The following NOL4L variants were observed in gnomAD, a reference collection of about 807,000 sequenced individuals.
NOL4L encodes the protein nucleolar protein 4-like.
A neutral mutation model predicts 64.5 loss-of-function variants in NOL4L; 7 were observed. The observed-to-expected ratio is 0.11, with a 90% confidence interval of 0.06 to 0.20. The LOEUF (loss-of-function observed/expected upper bound fraction) is 0.20, where lower values mean the gene tolerates loss of function less well. NOL4L is among the 10% of genes least tolerant of loss of function. The probability of loss-of-function intolerance (pLI) is 1.00; values close to 1 mark genes in which losing one functional copy is unlikely to be tolerated. For synonymous variants in NOL4L, 413 were observed against 401.0 expected (o/e 1.03, Z -0.36); for missense variants, 680 against 967.1 (o/e 0.70, Z 3.94).
chr20:32,568,285 G>C (rs1447000555), intron 1 of NOL4L, among the ~76,000 whole-genome samples: 1 of 152,172 alleles, frequency 6.6e-6, no homozygotes, highest in Non-Finnish European at 1.5e-5. Context: ...TGCACCCCAG[G>C]AGGCCCTCTC....
At chr20:32,498,395 C>A in intron 4 of NOL4L, among the ~76,000 whole-genome samples, 1 of 150,146 alleles carries the variant, frequency 6.7e-6, no homozygotes, top group East Asian at 2.0e-4. Flanking sequence ...TGACAATGAG[C>A]TTTTCACGCC....
chr20:32,491,352 A>C (rs957158088), intron 4 of NOL4L, among the ~76,000 whole-genome samples: 1 of 152,240 alleles, frequency 6.6e-6, no homozygotes, highest in Non-Finnish European at 1.5e-5. Flanking sequence ...ATGGGTGTTC[A>C]TGAGGTGGAA....
intron 1 of NOL4L, among the ~76,000 whole-genome samples, chr20:32,541,046 C>CAT (rs2018647007): frequency 6.6e-6 from 1 of 150,604 alleles, no homozygotes; most frequent in Non-Finnish European, 1.5e-5. Context: ...CACACACACA[C>CAT]ACTATTCCCT....
At chr20:32,567,230 G>A (rs1038932243) in intron 1 of NOL4L, among the ~76,000 whole-genome samples, 6 of 152,332 alleles carry the variant, frequency 3.9e-5, no homozygotes, top group Non-Finnish European at 8.8e-5. Flanking sequence ...CAATGTGGGT[G>A]TGTAGAATGT....
chr20:32,475,769 C>A (rs376985370), intron 4 of NOL4L, among the ~76,000 whole-genome samples: 1 of 152,234 alleles, frequency 6.6e-6, no homozygotes, highest in Non-Finnish European at 1.5e-5. Flanking sequence ...CAAGCCTCCC[C>A]TCCGGGGCCC....
At chr20:32,538,669 G>C (rs1482401465) in intron 1 of NOL4L, among the ~76,000 whole-genome samples, 3 of 152,196 alleles carry the variant, frequency 2.0e-5, no homozygotes, top group African/African-American at 7.2e-5. Flanking sequence ...CCAAGGCCAG[G>C]CTGCCTCCAA....
In NOL4L at chr20:32,474,995, G is replaced by A. The variant is rs543532569; in HGVS notation, c.700-253C>T. On this transcript the variant is annotated intron_variant, in intron 4 of 10. Transcript: ENST00000621426. ...TAATTGAAGACAATTATGAGGTCTC[G>A]CATCCTGCAGGGGCGGATGGCAGGG... 197 of 985,118 alleles carry A rather than the reference G, an allele frequency of 2.0e-4. 1 individual carries two copies. The African/African-American group carries it at 3.1e-3, about 15-fold the overall frequency. 61.0% of individuals were successfully genotyped at this position (985,118 alleles called of 1,614,324 possible). A position where few individuals can be genotyped will look rare whatever the true frequency, so the allele number is the denominator to read the frequency against.
rs553993801 is a variant in NOL4L, at chr20:32,473,321, C to T, written c.841+1280G>A. ...AGTTGAGGCGGGAGGTCAGCTGCTGCGCTTGTCCCAGCCCCAGAGCCCCCC... is the reference window on the plus strand; with the variant it reads ...AGTTGAGGCGGGAGGTCAGCTGCTGTGCTTGTCCCAGCCCCAGAGCCCCCC... On this transcript the variant is annotated intron_variant, in intron 5 of 10. Coordinates refer to ENST00000621426, the MANE Select transcript of NOL4L (RefSeq NM_001256798.2). Among the ~76,000 whole-genome samples the T allele has an allele frequency of 7.8e-4, 119 of 152,296 alleles. 1 individual carries two copies. Among genetic ancestry groups the T allele is most frequent in the Middle Eastern group, 3.4e-3 (1 of 292 alleles).
intron 1 of NOL4L, 30 bp downstream of exon 1, chr20:32,584,540 C>A (rs1334778588): frequency 3.0e-6 from 4 of 1,312,404 alleles, no homozygotes; most frequent in South Asian, 2.3e-5. Flanking sequence ...CGCGGCGGGA[C>A]CCGCCCGCGG....
At chr20:32,542,979 C>T (rs1386698583) in intron 1 of NOL4L, among the ~76,000 whole-genome samples, 1 of 152,188 alleles carries the variant, frequency 6.6e-6, no homozygotes, top group Non-Finnish European at 1.5e-5. Flanking sequence ...GCTGAGCACA[C>T]AGCCGTTCTC....
rs1352692405 is a variant in NOL4L, at chr20:32,443,974, A to G, written c.*3622T>C. ...TCAGCCAATCTGAGTTCTACGTGGTATAGGTTTTTTGTTGTATTTTTAGGT... is the reference window on the plus strand; with the variant it reads ...TCAGCCAATCTGAGTTCTACGTGGTGTAGGTTTTTTGTTGTATTTTTAGGT... On this transcript the variant is annotated 3_prime_UTR_variant, in exon 11 of 11. Transcript: ENST00000621426. The G allele has an allele frequency of 6.6e-6, 1 of 152,216 alleles. No individual in the cohort carries two copies. The highest frequency in any genetic ancestry group is 1.9e-4 in the East Asian group (1 of 5,188). The allele number at this position is 152,216 out of a possible 1,614,324, so 9.4% of individuals were successfully genotyped here.
chr20:32,549,447 A>G (rs1417550540), intron 1 of NOL4L, among the ~76,000 whole-genome samples: 1 of 152,128 alleles, frequency 6.6e-6, no homozygotes, highest in Non-Finnish European at 1.5e-5. Context: ...GCTCTAATCA[A>G]AAAGACAGCC....
intron 1 of NOL4L, among the ~76,000 whole-genome samples, chr20:32,561,936 C>T (rs1483885340): frequency 6.6e-6 from 1 of 152,154 alleles, no homozygotes; most frequent in African/African-American, 2.4e-5. Context: ...CTGCAATGAG[C>T]CGTGGTCATG....
chr20:32,567,532 C>A (rs1472401345), intron 1 of NOL4L, among the ~76,000 whole-genome samples: 1 of 152,216 alleles, frequency 6.6e-6, no homozygotes, highest in East Asian at 1.9e-4. Context: ...TCTGGCAAGT[C>A]AGACTCATAC....
chr20:32,556,058 C>G (rs572014689), intron 1 of NOL4L, among the ~76,000 whole-genome samples: 1 of 152,214 alleles, frequency 6.6e-6, no homozygotes. Context: ...AGGGCACAGA[C>G]GGGGTCTGCC....
chr20:32,566,545 G>A (rs1181980056), intron 1 of NOL4L, among the ~76,000 whole-genome samples: 2 of 152,096 alleles, frequency 1.3e-5, no homozygotes, highest in Non-Finnish European at 2.9e-5. Context: ...GAGGAGCTGG[G>A]GACACTGGCC....
rs766890241 is a variant in NOL4L, at chr20:32,447,728, G to A, written c.1911C>T (p.Pro637=). The A allele has an allele frequency of 1.2e-5, 19 of 1,605,330 alleles. No homozygotes were observed. The highest frequency in any genetic ancestry group is 2.2e-5 in the East Asian group (1 of 44,666). The change falls in exon 11 of 11, where the codon CCC becomes CCT. Residue 637 remains proline, a synonymous_variant. Transcript: ENST00000621426. ...PTPSSTSTSR[P]VPTAQLSPTE... is the part of the protein sequence containing the mutation. Reference sequence around the variant, plus strand: ...TGGGGCTGAGCTGAGCGGTGGGCACGGGCCTGCTGGTGCTGGTGCTGGAGG... The same window carrying A: ...TGGGGCTGAGCTGAGCGGTGGGCACAGGCCTGCTGGTGCTGGTGCTGGAGG...
chr20:32,507,346 A>G (rs1436536828), intron 4 of NOL4L, among the ~76,000 whole-genome samples: 1 of 152,204 alleles, frequency 6.6e-6, no homozygotes, highest in Non-Finnish European at 1.5e-5. Context: ...GGTGGAGTCT[A>G]ACCCCCATAG....
At chr20:32,487,145 G>A (rs1433085319) in intron 4 of NOL4L, among the ~76,000 whole-genome samples, 1 of 152,064 alleles carries the variant, frequency 6.6e-6, no homozygotes, top group African/African-American at 2.4e-5. Context: ...GCACACACCT[G>A]TAATCCCAGC....
Sources: gnomAD v4.1 joint callset for allele counts (sites outside exome capture counted in the v4.1 genomes callset) on GRCh38, gnomAD v4.1.1 for gene constraint, MANE v1.5 for transcripts, NCBI Gene and HGNC (gene_info 2026-07-23, HGNC 2026-07-21) for gene names.